LAMA2: variants seen among roughly 807,000 people sequenced by gnomAD.
LAMA2 encodes the protein laminin subunit alpha-2.
A neutral mutation model predicts 364.8 loss-of-function variants in LAMA2; 269 were observed. The ratio of observed to expected loss-of-function variants is 0.74; its 90% confidence interval spans 0.67 to 0.82. The LOEUF (loss-of-function observed/expected upper bound fraction) is 0.82. LAMA2 is among the 40% of genes least tolerant of loss of function. The pLI, the probability that LAMA2 is intolerant of heterozygous loss-of-function variation, is 0.00. For missense variants in LAMA2, 3,807 were observed against 3,873.2 expected, an observed-to-expected ratio of 0.98 and a Z score of 0.45; for synonymous variants, 1,379 against 1,370.6, an observed-to-expected ratio of 1.01 and a Z score of -0.14.
intron 32 of LAMA2, among the ~76,000 whole-genome samples, chr6:129,365,746 A>C (rs536099026): frequency 7.6e-4 from 116 of 152,114 alleles, no homozygotes; most frequent in Non-Finnish European, 2.9e-4. Context: ...TGTGTAATAC[A>C]TAAAGCATGT....
At chr6:129,333,749 A>G (rs903254410) in intron 29 of LAMA2, among the ~76,000 whole-genome samples, 5 of 152,184 alleles carry the variant, frequency 3.3e-5, no homozygotes, top group East Asian at 1.9e-4. Context: ...GTCTTATGCA[A>G]TCTTCACTGG....
At chr6:129,266,579 A>T (rs1787531812) in intron 15 of LAMA2, among the ~76,000 whole-genome samples, 1 of 152,134 alleles carries the variant, frequency 6.6e-6, no homozygotes, top group African/African-American at 2.4e-5. Flanking sequence ...TATGTGGTCA[A>T]ATATAAGTGT....
At chr6:129,147,265 T>C (rs1378276334) in intron 6 of LAMA2, among the ~76,000 whole-genome samples, 1 of 70,552 alleles carries the variant, frequency 1.4e-5, no homozygotes, top group Non-Finnish European at 2.5e-5. Flanking sequence ...TAGTTTTTCC[T>C]TTTTTTTTTT....
intron 17 of LAMA2, among the ~76,000 whole-genome samples, chr6:129,279,253 G>A (rs1053653996): frequency 2.6e-5 from 4 of 152,120 alleles, no homozygotes; most frequent in Non-Finnish European, 5.9e-5. Context: ...TTGGGGTAGG[G>A]GTTCATGTAT....
intron 1 of LAMA2, among the ~76,000 whole-genome samples, chr6:128,986,476 A>G (rs1434887532): frequency 6.6e-6 from 1 of 152,154 alleles, no homozygotes; most frequent in Non-Finnish European, 1.5e-5. Flanking sequence ...TTATTCTGAC[A>G]TGCCCATTTA....
chr6:129,373,896 T>A (rs980885731), intron 34 of LAMA2, among the ~76,000 whole-genome samples: 5 of 152,134 alleles, frequency 3.3e-5, no homozygotes, highest in African/African-American at 1.2e-4. Flanking sequence ...TAACATAGTG[T>A]TTGCCAGATT....
chr6:129,160,994 G>T (rs1335441392), intron 8 of LAMA2, among the ~76,000 whole-genome samples: 1 of 151,958 alleles, frequency 6.6e-6, no homozygotes, highest in African/African-American at 2.4e-5. Flanking sequence ...TCCAATCTGC[G>T]ATTATGGATT....
chr6:129,043,786 T>A (rs959595243), intron 1 of LAMA2, among the ~76,000 whole-genome samples: 1 of 152,198 alleles, frequency 6.6e-6, no homozygotes, highest in Admixed American at 6.5e-5. Flanking sequence ...TCTTTTTTGT[T>A]GTCGCATCAG....
chr6:129,230,674 A>G (rs891294502), intron 12 of LAMA2, among the ~76,000 whole-genome samples: 3 of 152,126 alleles, frequency 2.0e-5, no homozygotes, highest in African/African-American at 7.2e-5. Context: ...GAGTTTAGTA[A>G]TCATGAATTT....
At chr6:128,967,877 T>C (rs556316569) in intron 1 of LAMA2, among the ~76,000 whole-genome samples, 28 of 152,254 alleles carry the variant, frequency 1.8e-4, no homozygotes, top group African/African-American at 6.7e-4. Flanking sequence ...ACACCTCAGA[T>C]TATTTCTATT....
chr6:129,167,663 T>G (rs1162819227), intron 9 of LAMA2, among the ~76,000 whole-genome samples: 1 of 152,188 alleles, frequency 6.6e-6, no homozygotes, highest in Admixed American at 6.5e-5. Context: ...TTACAGTCCT[T>G]TGGGTATATA....
intron 35 of LAMA2, among the ~76,000 whole-genome samples, chr6:129,386,324 T>C (rs1018991119): frequency 5.3e-5 from 8 of 151,902 alleles, no homozygotes; most frequent in Non-Finnish European, 8.8e-5. Flanking sequence ...CAGATCCTAT[T>C]TATACATAGG....
At chr6:129,396,954 TGACAGTGA>T (rs1779675257) in intron 37 of LAMA2, among the ~76,000 whole-genome samples, 1 of 14,752 alleles carries the variant, frequency 6.8e-5, no homozygotes, top group Non-Finnish European at 1.9e-4. Context: ...CCAGCCTGGA[TGACAGTGA>T]GACAATGAGA....
chr6:129,387,961 A>G (rs1470041758), intron 35 of LAMA2, among the ~76,000 whole-genome samples: 5 of 152,266 alleles, frequency 3.3e-5, no homozygotes, highest in Admixed American at 6.5e-5. Context: ...GAGGGGCTTT[A>G]AAACCTAGAT....
chr6:129,107,441 G>A (rs1033096291), intron 4 of LAMA2, among the ~76,000 whole-genome samples: 3 of 152,090 alleles, frequency 2.0e-5, no homozygotes, highest in Admixed American at 2.0e-4. Context: ...CATACCACAT[G>A]AGGCCATGGC....
intron 10 of LAMA2, among the ~76,000 whole-genome samples, chr6:129,185,777 G>A (rs1054979318): frequency 6.6e-6 from 1 of 151,676 alleles, no homozygotes; most frequent in African/African-American, 2.4e-5. Flanking sequence ...GAATATAAAA[G>A]TATTTACGTA....
chr6:129,342,478 G>A lies in LAMA2; in HGVS notation c.4436+11G>A. On this transcript the variant is annotated intron_variant, in intron 30 of 64. Coordinates refer to ENST00000421865, the MANE Select transcript of LAMA2 (RefSeq NM_000426.4). ...TTCTTCCAGTAACAAGTAAGATTGA[G>A]AAATATAACCATATTTCCCAATCAG... 6.2e-7 allele frequency: 1 copy of A among 1,611,962 alleles called. No homozygotes were observed. The highest frequency in any genetic ancestry group is 8.5e-7 in the Non-Finnish European group (1 of 1,178,616).
At chr6:129,366,410 C>T in intron 33 of LAMA2, 49 bp downstream of exon 33, 1 of 1,604,244 alleles carries the variant, frequency 6.2e-7, no homozygotes, top group Non-Finnish European at 8.5e-7. Context: ...GTGACAGAAG[C>T]TTCACAAGCG....
intron 1 of LAMA2, among the ~76,000 whole-genome samples, chr6:128,998,494 A>T: frequency 1.2e-5 from 1 of 86,116 alleles, no homozygotes; most frequent in Non-Finnish European, 2.3e-5. Context: ...TACCGGGTTC[A>T]TCTCACTAGG....
Sources: gnomAD v4.1 joint callset for allele counts (sites outside exome capture counted in the v4.1 genomes callset) on GRCh38, gnomAD v4.1.1 for gene constraint, MANE v1.5 for transcripts, NCBI Gene and HGNC (gene_info 2026-07-23, HGNC 2026-07-21) for gene names.